The following CRYBG1 variants were observed in gnomAD, a reference collection of about 807,000 sequenced individuals.
CRYBG1 encodes beta/gamma crystallin domain-containing protein 1.
In CRYBG1, 139 loss-of-function variants were observed where a neutral mutation model predicts 189.2. The ratio of observed to expected loss-of-function variants is 0.73; its 90% CI spans 0.64 to 0.85. The LOEUF (loss-of-function observed/expected upper bound fraction) is 0.85, where lower values mean the gene tolerates loss of function less well. Among genes scored for constraint, CRYBG1 ranks in the 40% least tolerant of loss-of-function variants. CRYBG1 has a pLI of 0.00. For synonymous variants in CRYBG1, 1,023 were observed against 1,017.1 expected (o/e 1.01, Z -0.11); for missense variants, 2,611 against 2,675.8 (o/e 0.98, Z 0.53).
At chr6:106,433,828 CAGT>C (rs1317839164) in intron 1 of CRYBG1, among the ~76,000 whole-genome samples, 1 of 143,778 alleles carries the variant, frequency 7.0e-6, no homozygotes, top group East Asian at 2.1e-4. Flanking sequence ...TATATATATG[CAGT>C]AGTAGTGGCA....
At chr6:106,373,626 G>A (rs536229776) in intron 1 of CRYBG1, among the ~76,000 whole-genome samples, 2 of 152,232 alleles carry the variant, frequency 1.3e-5, no homozygotes, top group South Asian at 4.1e-4. Context: ...GTTTAAGAAT[G>A]TTCATTAGTT....
At chr6:106,477,277 T>A (rs1249460754) in intron 2 of CRYBG1, among the ~76,000 whole-genome samples, 1 of 152,202 alleles carries the variant, frequency 6.6e-6, no homozygotes, top group Non-Finnish European at 1.5e-5. Context: ...GGGTACATAC[T>A]TTTAAGGAGG....
chr6:106,404,916 A>G (rs1002211589), intron 1 of CRYBG1, among the ~76,000 whole-genome samples: 11 of 151,804 alleles, frequency 7.2e-5, no homozygotes, highest in African/African-American at 2.2e-4. Context: ...GTGTGCCTAC[A>G]CCACCAGGAC....
intron 1 of CRYBG1, among the ~76,000 whole-genome samples, chr6:106,377,618 GTTTTAT>G (rs1770194212): frequency 2.9e-4 from 2 of 6,878 alleles, no homozygotes; most frequent in Non-Finnish European, 5.5e-4. Flanking sequence ...AAGTCCTAAG[GTTTTAT>G]ATATATATAT....
intron 1 of CRYBG1, among the ~76,000 whole-genome samples, chr6:106,387,875 G>A (rs538775473): frequency 1.8e-4 from 28 of 152,262 alleles, no homozygotes; most frequent in South Asian, 1.5e-3. Context: ...ATCCATGAAC[G>A]TCACTCGTGA....
chr6:106,446,393 T>C (rs1771664822), intron 1 of CRYBG1, among the ~76,000 whole-genome samples: 1 of 152,196 alleles, frequency 6.6e-6, no homozygotes, highest in African/African-American at 2.4e-5. Context: ...TCAATGCAGG[T>C]GGAAGCACTT....
intron 2 of CRYBG1, among the ~76,000 whole-genome samples, chr6:106,505,783 CAT>C (rs1319034458): frequency 2.6e-5 from 4 of 151,722 alleles, no homozygotes; most frequent in African/African-American, 9.7e-5. Flanking sequence ...CACAAACACA[CAT>C]ATGCATATGT....
intron 13 of CRYBG1, among the ~76,000 whole-genome samples, chr6:106,551,414 T>C (rs540254592): frequency 2.6e-5 from 4 of 152,234 alleles, no homozygotes; most frequent in Non-Finnish European, 4.4e-5. Context: ...CAATCCACCA[T>C]TGATCAATGA....
At chr6:106,548,880 C>T (rs1213585617) in intron 13 of CRYBG1, among the ~76,000 whole-genome samples, 1 of 147,180 alleles carries the variant, frequency 6.8e-6, no homozygotes, top group Non-Finnish European at 1.5e-5. Flanking sequence ...TCTCCTAATG[C>T]TATCCCTCCC....
chr6:106,488,804 C>T (rs9400020), intron 2 of CRYBG1, among the ~76,000 whole-genome samples: 18,691 of 152,076 alleles, frequency 0.12, 1,332 homozygotes, highest in East Asian at 0.27. Context: ...AGCTGGGGTA[C>T]TGGTATTGTA....
intron 2 of CRYBG1, 145 bp downstream of exon 2, chr6:106,451,977 T>C: frequency 3.0e-6 from 1 of 334,676 alleles, no homozygotes; most frequent in Non-Finnish European, 4.7e-6. Context: ...ATATGTAATA[T>C]ATGTTATATA....
intron 1 of CRYBG1, among the ~76,000 whole-genome samples, chr6:106,409,860 C>T (rs1440112890): frequency 6.6e-6 from 1 of 152,078 alleles, no homozygotes; most frequent in Non-Finnish European, 1.5e-5. Context: ...TTACACCTTA[C>T]ACAAAAATTA....
At chr6:106,470,644 G>C (rs1025245395) in intron 2 of CRYBG1, among the ~76,000 whole-genome samples, 2 of 152,120 alleles carry the variant, frequency 1.3e-5, no homozygotes, top group Non-Finnish European at 2.9e-5. Context: ...ACAAAAGCAA[G>C]TATATAATCA....
intron 1 of CRYBG1, among the ~76,000 whole-genome samples, chr6:106,410,302 T>G (rs1446703683): frequency 6.6e-6 from 1 of 152,114 alleles, no homozygotes; most frequent in Non-Finnish European, 1.5e-5. Context: ...ATTAGAGAAA[T>G]GCAAATCAAA....
At chr6:106,374,158 T>C (rs910983260) in intron 1 of CRYBG1, among the ~76,000 whole-genome samples, 7 of 152,194 alleles carry the variant, frequency 4.6e-5, no homozygotes, top group Non-Finnish European at 1.0e-4. Flanking sequence ...GGTTGGCAAA[T>C]TGAGTCTCAC....
chr6:106,512,487 C>A lies in CRYBG1; in HGVS notation c.1370C>A (p.Ala457Asp). Residue 457 changes from alanine to aspartate, a missense_variant, in exon 3 of 22, where the codon GCC (alanine) becomes GAC (aspartate). Ala to Asp is a moderately radical substitution (Grantham distance 126, BLOSUM62 -2). Coordinates refer to ENST00000633556, the MANE Select transcript of CRYBG1 (RefSeq NM_001371242.2). ...GACGACGAGGTGGCGCCAAACGCGG[C>A]CAGCGATAACGCCTCGGCGGAAAAG... Reference protein sequence around the residue: ...VFDDEVAPNAASDNASAEKKV... With the variant: ...VFDDEVAPNADSDNASAEKKV... 2 of 1,611,406 alleles carry A rather than the reference C, an allele frequency of 1.2e-6. No individual in the cohort carries two copies. Among genetic ancestry groups the A allele is most frequent in the Non-Finnish European group, 1.7e-6 (2 of 1,179,288 alleles).
intron 1 of CRYBG1, among the ~76,000 whole-genome samples, chr6:106,414,271 C>T (rs1406437774): frequency 2.8e-4 from 42 of 152,236 alleles, no homozygotes; most frequent in Non-Finnish European, 2.9e-5. Context: ...TGCTTAGCAA[C>T]ATATCTGGTT....
At position 106,571,961 on chromosome 6, in the gene CRYBG1, TAAG is replaced by T. The variant is rs766738164; in HGVS notation, c.*3398_*3400del. The T allele has an allele frequency of 5.2e-6, 8 of 1,541,554 alleles. No individual in the cohort carries two copies. Among genetic ancestry groups the T allele is most frequent in the African/African-American group, 1.4e-5 (1 of 73,028 alleles). ...TTTGGGCTCACAGGCACTCACCAAA[TAAG>T]AACGTCAACAATCACTAAACTGCAT... On this transcript the variant is annotated 3_prime_UTR_variant, in exon 22 of 22. Coordinates refer to ENST00000633556, the MANE Select transcript of CRYBG1 (RefSeq NM_001371242.2).
chr6:106,384,083 T>C (rs944882649), intron 1 of CRYBG1, among the ~76,000 whole-genome samples: 1 of 152,164 alleles, frequency 6.6e-6, no homozygotes, highest in Non-Finnish European at 1.5e-5. Flanking sequence ...ATCACCTCTA[T>C]TGAGGAGCAG....
Sources: gnomAD v4.1 joint callset for allele counts (sites outside exome capture counted in the v4.1 genomes callset) on GRCh38, gnomAD v4.1.1 for gene constraint, MANE v1.5 for transcripts, NCBI Gene and HGNC (gene_info 2026-07-23, HGNC 2026-07-21) for gene names.